Variants in NIPBL observed in about 807,000 individuals in gnomAD.
The protein encoded by NIPBL is NIPBL cohesin loading factor, also known as nipped-B-like protein.
In NIPBL, 19 loss-of-function variants were observed where a neutral mutation model predicts 321.8. That is an observed-to-expected ratio of 0.06 (90% CI 0.04 to 0.09). The LOEUF (loss-of-function observed/expected upper bound fraction) is 0.09. Ranked by LOEUF, NIPBL falls within the 10% of genes least tolerant of loss-of-function variation. NIPBL has a pLI of 1.00. For missense variants in NIPBL, 2,210 were observed against 3,327.0 expected (o/e 0.66, Z 8.26); for synonymous variants, 1,106 against 1,114.1 (o/e 0.99, Z 0.14).
chr5:37,046,018 C>T, intron 37 of NIPBL, 91 bp from the exon 38 acceptor site: 1 of 720,986 alleles, frequency 1.4e-6, no homozygotes, highest in African/African-American at 1.8e-5. Context: ...CACACAAATT[C>T]TCATTGTTTT....
chr5:37,000,543 T>G lies in NIPBL; in HGVS notation c.3475T>G (p.Tyr1159Asp), dbSNP rs369496238. The G allele has an allele frequency of 1.2e-6, 2 of 1,613,316 alleles. No individual in the cohort carries two copies. Among genetic ancestry groups the G allele is most frequent in the African/African-American group, 1.3e-5 (1 of 74,896 alleles). The change falls in exon 12 of 47, where the codon TAT (tyrosine) becomes GAT (aspartate). Residue 1159 changes from tyrosine (Y) to aspartate (D), a missense_variant. Physicochemically the swap from Tyr to Asp is radical, Grantham distance 160. This residue lies in a region of NIPBL where 381 missense variants were observed against 642.3 expected (regional missense o/e 0.59). Transcript: ENST00000282516. ...RSPSDSDMED[Y>D]SPPPSLSEVA... ...TCCGTCAGATTCTGACATGGAAGAT[T>G]ATTCTCCTCCTCCCAGCCTTAGTGA...
intron 21 of NIPBL, among the ~76,000 whole-genome samples, chr5:37,012,149 T>C (rs1748205207): frequency 6.6e-6 from 1 of 151,282 alleles, no homozygotes. Flanking sequence ...CTTTTTTTTT[T>C]TTTTCTTTTT....
At chr5:36,975,197 A>G (rs1386327630) in intron 8 of NIPBL, among the ~76,000 whole-genome samples, 1 of 152,094 alleles carries the variant, frequency 6.6e-6, no homozygotes, top group Admixed American at 6.6e-5. Context: ...AAGACCACAT[A>G]AAAGTATAAA....
intron 10 of NIPBL, among the ~76,000 whole-genome samples, chr5:36,991,128 A>G (rs1243761227): frequency 6.6e-6 from 1 of 152,086 alleles, no homozygotes; most frequent in Non-Finnish European, 1.5e-5. Flanking sequence ...CTATAAAAAT[A>G]TTAGCGTTTT....
rs1741445605 is a variant in NIPBL at position 36,960,146 on chromosome 5, A to G, written c.359-1338A>G. Among the ~76,000 whole-genome samples, 3 of 152,196 alleles carry G rather than the reference A, an allele frequency of 2.0e-5. No individual in the cohort carries two copies. The South Asian group carries it at 6.2e-4, about 32-fold the overall frequency. On this transcript the variant is annotated intron_variant, in intron 4 of 46. Coordinates refer to ENST00000282516, the MANE Select transcript of NIPBL (RefSeq NM_133433.4). ...TGGTAAGTTTAAATATGAGTCATGC[A>G]TGTGGAGAAAATTGTAATAAAATGC...
rs116615957 is a variant in NIPBL, at chr5:36,982,431, A to G, written c.1496-2245A>G. The stretch of plus-strand genomic sequence containing the variant: ...AACATACATGCTCTTGACATACCTA[A>G]GAATCCTTGTCACAGTAATGAAAAT... On this transcript the variant is annotated intron_variant, in intron 9 of 46. Transcript: ENST00000282516. Among the ~76,000 whole-genome samples the G allele has an allele frequency of 8.2e-3, 1,238 of 151,890 alleles. 12 individuals carry two copies. The highest frequency in any genetic ancestry group is 0.028 in the African/African-American group (1,176 of 41,508).
chr5:37,040,645 C>T (rs1752233768), intron 34 of NIPBL, among the ~76,000 whole-genome samples: 1 of 152,156 alleles, frequency 6.6e-6, no homozygotes, highest in Non-Finnish European at 1.5e-5. Context: ...CCACTACAAA[C>T]AATTTTTAAA....
chr5:36,911,912 A>G (rs1748079814), intron 1 of NIPBL, among the ~76,000 whole-genome samples: 1 of 152,218 alleles, frequency 6.6e-6, no homozygotes, highest in Admixed American at 6.5e-5. Flanking sequence ...TGAATTTTAT[A>G]AAACCTTGTG....
At chr5:36,947,735 A>G (rs1739843653) in intron 1 of NIPBL, among the ~76,000 whole-genome samples, 1 of 151,952 alleles carries the variant, frequency 6.6e-6, no homozygotes, top group Non-Finnish European at 1.5e-5. Context: ...TCATAAAGTA[A>G]TATTCTAATC....
chr5:37,006,317 A>G (rs1430127175), intron 16 of NIPBL, 40 bp from the exon 17 acceptor site: 2 of 1,069,548 alleles, frequency 1.9e-6, no homozygotes, highest in East Asian at 2.4e-5. Context: ...AAACCTATAA[A>G]TGTGTTTATT....
Position 37,022,042 on chromosome 5 carries a change from G to T in NIPBL, c.5329-9G>T, listed in dbSNP as rs1749711111. On this transcript the variant is annotated splice_polypyrimidine_tract_variant and intron_variant, in intron 27 of 46. Transcript: ENST00000282516. ...AAAATTTACAAAAATGTCAATGTTT[G>T]CTTGGCAGATCCTACGAGTTCTTGG... is the stretch of plus-strand genomic sequence containing the variant. 5.0e-6 allele frequency: 8 copies of T among 1,611,532 alleles called. No individual in the cohort carries two copies. The highest frequency in any genetic ancestry group is 3.3e-5 in the South Asian group (3 of 90,948).
Position 36,877,154 on chromosome 5 carries a change from T to C in NIPBL, c.-104T>C, listed in dbSNP as rs1303269572. The C allele has an allele frequency of 7.5e-6, 2 of 268,134 alleles. No homozygotes were observed. The highest frequency in any genetic ancestry group is 1.4e-5 in the Non-Finnish European group (2 of 144,440). The allele number at this position is 268,134 out of a possible 1,614,324, so 16.6% of individuals were successfully genotyped here. On this transcript the variant is annotated 5_prime_UTR_variant, in exon 1 of 47. Transcript: ENST00000282516. ...CGCCACAGCGGCCTCGGCCTCCCCT[T>C]GGATTCAGACGCCGATTCGCCCAGG...
intron 23 of NIPBL, 144 bp downstream of exon 23, chr5:37,016,314 A>G: frequency 1.1e-6 from 1 of 886,080 alleles, no homozygotes; most frequent in South Asian, 1.5e-5. Flanking sequence ...ATAACTGTAC[A>G]CAATATTGTC....
chr5:37,063,694 C>A, intron 45 of NIPBL, 96 bp from the exon 46 acceptor site: 3 of 1,238,092 alleles, frequency 2.4e-6, no homozygotes, highest in Non-Finnish European at 2.3e-6. Flanking sequence ...TCTGTTTCAC[C>A]CACACCAAAC....
chr5:36,984,354 A>G (rs796260300), intron 9 of NIPBL, among the ~76,000 whole-genome samples: 3 of 152,188 alleles, frequency 2.0e-5, no homozygotes, highest in South Asian at 2.1e-4. Context: ...CGTGACATCT[A>G]TGAACATAAA....
intron 4 of NIPBL, among the ~76,000 whole-genome samples, chr5:36,958,929 G>T (rs1270105023): frequency 6.6e-6 from 1 of 152,176 alleles, no homozygotes; most frequent in African/African-American, 2.4e-5. Context: ...TTTATCAGCC[G>T]GGCATGGTGA....
In NIPBL at chr5:36,952,051, T is replaced by TGCGCGC. The variant is rs1554010252; in HGVS notation, c.-79-1566_-79-1565insCGCGCG. Reference sequence around the variant, plus strand: ...GTGTGTGTGTGTGTGTGTGTGTGTGTGTGCGCGCGCGCGCGCGCGCGCATG... The same window carrying TGCGCGC: ...GTGTGTGTGTGTGTGTGTGTGTGTGTGCGCGCGTGCGCGCGCGCGCGCGCGCGCATG... On this transcript the variant is annotated intron_variant, in intron 1 of 46. Coordinates refer to ENST00000282516, the MANE Select transcript of NIPBL (RefSeq NM_133433.4). Among the ~76,000 whole-genome samples, 151 of 102,874 alleles carry TGCGCGC rather than the reference T, an allele frequency of 1.5e-3. 1 individual carries two copies. Among genetic ancestry groups the TGCGCGC allele is most frequent in the Non-Finnish European group, 2.4e-3 (107 of 43,850 alleles). 67.5% of individuals were successfully genotyped at this position (102,874 alleles called of 152,430 possible).
At chr5:37,002,591 G>A (rs1580442479) in intron 14 of NIPBL, 71 bp from the exon 15 acceptor site, 1 of 1,055,552 alleles carries the variant, frequency 9.5e-7, no homozygotes, top group Non-Finnish European at 1.5e-6. Context: ...TTATTAGAAA[G>A]TTAAGCTTGA....
At position 37,044,274 on chromosome 5, in the gene NIPBL, C is replaced by T. The variant is rs886731204; in HGVS notation, c.6109-73C>T. 1.3e-5 allele frequency: 19 copies of T among 1,409,530 alleles called. No homozygotes were observed. In the East Asian group the frequency reaches 4.1e-4, roughly 30 times the overall value. 87.3% of individuals were successfully genotyped at this position (1,409,530 alleles called of 1,614,324 possible). On this transcript the variant is annotated intron_variant, in intron 34 of 46. Coordinates refer to ENST00000282516, the MANE Select transcript of NIPBL (RefSeq NM_133433.4). ...GTGCAAAATGCCCTATTTCTGCCCC[C>T]AAATACGTAAAGCTGTATATAGTTT...
Sources: gnomAD v4.1 joint callset for allele counts (sites outside exome capture counted in the v4.1 genomes callset) on GRCh38, gnomAD v4.1.1 for gene constraint, gnomAD v4.1.1 regional missense constraint, MANE v1.5 for transcripts, NCBI Gene and HGNC (gene_info 2026-07-23, HGNC 2026-07-21) for gene names.